The following RIT2 variants were observed in gnomAD, a reference collection of about 807,000 sequenced individuals.
The protein encoded by RIT2 is GTP-binding protein Rit2.
In RIT2, 24 loss-of-function variants were observed where a neutral mutation model predicts 23.7. The observed-to-expected ratio is 1.01, with a 90% CI of 0.73 to 1.43. RIT2 has a LOEUF of 1.43. Among genes scored for constraint, RIT2 ranks in the 40% most tolerant of loss-of-function variants. The pLI is 0.00. For synonymous variants in RIT2, 107 were observed against 91.1 expected, an observed-to-expected ratio of 1.17 and a Z score of -0.99; for missense variants, 236 against 266.9, an observed-to-expected ratio of 0.88 and a Z score of 0.81.
chr18:42,946,797 GA>G (rs1909738254), intron 3 of RIT2, among the ~76,000 whole-genome samples: 1 of 152,006 alleles, frequency 6.6e-6, no homozygotes, highest in African/African-American at 2.4e-5. Flanking sequence ...AAATGAATGT[GA>G]AATTTAGTGA....
intron 4 of RIT2, among the ~76,000 whole-genome samples, chr18:42,836,934 A>G (rs941464021): frequency 6.6e-6 from 1 of 152,038 alleles, no homozygotes; most frequent in Non-Finnish European, 1.5e-5. Flanking sequence ...GTCGTTACCA[A>G]CATCAGACAG....
In RIT2 at chr18:42,962,743, G is replaced by T. The variant is rs181673432; in HGVS notation, c.234+11331C>A. On this transcript the variant is annotated intron_variant, in intron 3 of 4. Transcript: ENST00000326695. ...AGTTTCAAACCGTCATTCTAAAATA[G>T]ACCCCCTATTTCTGTGAGTAGTCTC... Among the ~76,000 whole-genome samples, 1,024 of 152,266 alleles carry T rather than the reference G, an allele frequency of 6.7e-3. 8 individuals are homozygous for T. The highest frequency in any genetic ancestry group is 9.3e-3 in the Non-Finnish European group (635 of 68,004).
At chr18:42,945,711 T>A (rs537697363) in intron 3 of RIT2, among the ~76,000 whole-genome samples, 1 of 152,280 alleles carries the variant, frequency 6.6e-6, no homozygotes, top group Non-Finnish European at 1.5e-5. Flanking sequence ...AAAACATGCA[T>A]GCATTTTATT....
chr18:42,745,180 T>C (rs1306686458), intron 4 of RIT2, among the ~76,000 whole-genome samples: 4 of 152,140 alleles, frequency 2.6e-5, no homozygotes, highest in Admixed American at 2.0e-4. Context: ...AGTGATCCCA[T>C]AAAGCCCTAC....
At chr18:42,777,991 G>T (rs755408942) in intron 4 of RIT2, among the ~76,000 whole-genome samples, 31 of 152,120 alleles carry the variant, frequency 2.0e-4, no homozygotes, top group Non-Finnish European at 3.5e-4. Flanking sequence ...TTATCCTATT[G>T]ATCCTCTTTG....
At chr18:42,966,789 T>G (rs1219849670) in intron 3 of RIT2, among the ~76,000 whole-genome samples, 1 of 152,120 alleles carries the variant, frequency 6.6e-6, no homozygotes, top group African/African-American at 2.4e-5. Context: ...TATGTTCAAT[T>G]AATCATGTTG....
chr18:43,050,234 T>C (rs945033219), intron 1 of RIT2, among the ~76,000 whole-genome samples: 1 of 151,876 alleles, frequency 6.6e-6, no homozygotes, highest in Admixed American at 6.6e-5. Flanking sequence ...TCTTACTATG[T>C]TGTCCTGGCT....
chr18:42,900,825 G>A (rs564056812), intron 4 of RIT2, among the ~76,000 whole-genome samples: 109 of 152,154 alleles, frequency 7.2e-4, no homozygotes, highest in Non-Finnish European at 1.1e-3. Context: ...AACATAGTAA[G>A]AGACGGAATC....
At chr18:42,812,357 A>C (rs1365436192) in intron 4 of RIT2, among the ~76,000 whole-genome samples, 1 of 152,162 alleles carries the variant, frequency 6.6e-6, no homozygotes, top group African/African-American at 2.4e-5. Flanking sequence ...ATTGTCTGCC[A>C]ACTTAAGATT....
chr18:42,903,914 T>G (rs1300904939), intron 4 of RIT2, among the ~76,000 whole-genome samples: 1 of 152,088 alleles, frequency 6.6e-6, no homozygotes, highest in African/African-American at 2.4e-5. Flanking sequence ...TTCCTGAAAC[T>G]AGGCAAATTA....
intron 4 of RIT2, among the ~76,000 whole-genome samples, chr18:42,745,873 C>T (rs991164986): frequency 6.6e-6 from 1 of 152,122 alleles, no homozygotes; most frequent in African/African-American, 2.4e-5. Context: ...TATAGCAATA[C>T]AACAGTTCTG....
chr18:42,795,537 G>A (rs987814728), intron 4 of RIT2, among the ~76,000 whole-genome samples: 19 of 152,206 alleles, frequency 1.2e-4, no homozygotes, highest in South Asian at 4.1e-4. Flanking sequence ...GCTCCTGTGC[G>A]CCTGAGCCTC....
intron 4 of RIT2, among the ~76,000 whole-genome samples, chr18:42,788,129 ATATTTGTTT>A (rs1913963594): frequency 6.6e-6 from 1 of 152,110 alleles, no homozygotes; most frequent in Non-Finnish European, 1.5e-5. Flanking sequence ...GCAAACAAAA[ATATTTGTTT>A]AGAAGAGTGT....
chr18:43,093,414 C>T (rs1327336556), intron 1 of RIT2, among the ~76,000 whole-genome samples: 7 of 152,034 alleles, frequency 4.6e-5, no homozygotes, highest in East Asian at 1.9e-4. Flanking sequence ...ACACTTACTT[C>T]AGCTACATTT....
intron 1 of RIT2, among the ~76,000 whole-genome samples, chr18:43,111,181 G>A (rs943334239): frequency 6.6e-6 from 1 of 152,130 alleles, no homozygotes; most frequent in African/African-American, 2.4e-5. Flanking sequence ...ATTGTGTCAA[G>A]TGAAATAAGC....
At chr18:42,854,989 G>A (rs1907145900) in intron 4 of RIT2, among the ~76,000 whole-genome samples, 1 of 152,128 alleles carries the variant, frequency 6.6e-6, no homozygotes, top group African/African-American at 2.4e-5. Flanking sequence ...TGGAGTAGGT[G>A]TAAAAAACTT....
chr18:42,878,570 T>C (rs975965189), intron 4 of RIT2, among the ~76,000 whole-genome samples: 1 of 54,918 alleles, frequency 1.8e-5, no homozygotes, highest in Non-Finnish European at 3.9e-5. Context: ...CAACTCTGTG[T>C]GTGTGTGTGT....
intron 4 of RIT2, among the ~76,000 whole-genome samples, chr18:42,751,635 C>T (rs1913048477): frequency 6.6e-6 from 1 of 151,844 alleles, no homozygotes; most frequent in South Asian, 2.1e-4. Context: ...TGTGCCTACT[C>T]ATTACTTTGA....
chr18:42,932,137 A>G, intron 3 of RIT2, among the ~76,000 whole-genome samples: 1 of 152,188 alleles, frequency 6.6e-6, no homozygotes, highest in Non-Finnish European at 1.5e-5. Flanking sequence ...GCACTCCCTC[A>G]TGATAGAAAT....
Sources: allele counts gnomAD v4.1 joint callset (sites outside exome capture counted in the v4.1 genomes callset), GRCh38; gene constraint gnomAD v4.1.1; transcripts MANE v1.5; gene names NCBI Gene and HGNC (gene_info 2026-07-23, HGNC 2026-07-21).